CSMD1: variants seen among roughly 807,000 people sequenced by gnomAD.
The protein encoded by CSMD1 is CUB and sushi domain-containing protein 1.
A neutral mutation model predicts 417.5 loss-of-function variants in CSMD1; 213 were observed. The observed-to-expected ratio is 0.51, with a 90% CI of 0.46 to 0.57. The LOEUF is 0.57. CSMD1 is among the 20% of genes least tolerant of loss of function. The probability of loss-of-function intolerance (pLI) is 0.00; values close to 1 mark genes in which losing one functional copy is unlikely to be tolerated. For missense variants in CSMD1, 6,923 were observed against 4,529.7 expected (o/e 1.53, Z -15.17); for synonymous variants, 2,862 against 1,736.8 (o/e 1.65, Z -16.11).
intron 3 of CSMD1, among the ~76,000 whole-genome samples, chr8:4,256,775 G>T (rs905331717): frequency 6.6e-6 from 1 of 152,164 alleles, no homozygotes; most frequent in Non-Finnish European, 1.5e-5. Flanking sequence ...CTCTCAAGCA[G>T]CTTGCAACAG....
intron 12 of CSMD1, among the ~76,000 whole-genome samples, chr8:3,421,569 CTGTT>C (rs1461649532): frequency 6.6e-6 from 1 of 152,120 alleles, no homozygotes; most frequent in Non-Finnish European, 1.5e-5. Flanking sequence ...AATATTTAGC[CTGTT>C]TGATTATGTG....
chr8:3,983,980 A>G (rs566862784), intron 5 of CSMD1, among the ~76,000 whole-genome samples: 3 of 152,296 alleles, frequency 2.0e-5, no homozygotes, highest in African/African-American at 7.2e-5. Flanking sequence ...TGTCAATTGC[A>G]GCTCTAGAGC....
chr8:3,997,168 G>A (rs1023378716), intron 5 of CSMD1, among the ~76,000 whole-genome samples: 3 of 152,162 alleles, frequency 2.0e-5, no homozygotes, highest in Admixed American at 6.5e-5. Context: ...AATTTTACAT[G>A]CAACAAATGA....
chr8:3,394,729 G>A (rs1811581335), intron 17 of CSMD1, among the ~76,000 whole-genome samples: 1 of 152,094 alleles, frequency 6.6e-6, no homozygotes, highest in Admixed American at 6.6e-5. Flanking sequence ...TTACTTCAAA[G>A]AGAAGTGACA....
intron 3 of CSMD1, among the ~76,000 whole-genome samples, chr8:4,190,086 A>G (rs955102906): frequency 7.9e-5 from 12 of 151,690 alleles, no homozygotes; most frequent in Admixed American, 7.9e-4. Context: ...GTGAAACCCC[A>G]TCTCTACTAA....
rs1286850660 is a variant in CSMD1, at chr8:3,779,745, T to G, written c.819-25703A>C. ...TGCAGAACATAAAATTATATTTAAG[T>G]TATTTGAAAGAGATCCCAGGTCCTC... is the stretch of plus-strand genomic sequence containing the variant. On this transcript the variant is annotated intron_variant, in intron 5 of 69. Coordinates refer to ENST00000635120, the MANE Select transcript of CSMD1 (RefSeq NM_033225.6). Among the ~76,000 whole-genome samples the G allele has an allele frequency of 2.6e-5, 4 of 152,332 alleles. No individual in the cohort carries two copies. The East Asian group carries it at 7.7e-4, about 29-fold the overall frequency.
intron 8 of CSMD1, among the ~76,000 whole-genome samples, chr8:3,596,764 C>T (rs1801114067): frequency 6.6e-6 from 1 of 151,972 alleles, no homozygotes; most frequent in South Asian, 2.1e-4. Context: ...TGCTATAATT[C>T]AGGGCACACA....
At chr8:3,190,874 G>C (rs1015884688) in intron 33 of CSMD1, among the ~76,000 whole-genome samples, 5 of 152,154 alleles carry the variant, frequency 3.3e-5, no homozygotes, top group African/African-American at 4.8e-5. Flanking sequence ...ACAGAAGAAC[G>C]AATACCTTAT....
intron 1 of CSMD1, among the ~76,000 whole-genome samples, chr8:4,926,720 G>A (rs1806896534): frequency 1.3e-5 from 2 of 152,002 alleles, no homozygotes; most frequent in East Asian, 1.9e-4. Context: ...AACTTTACAG[G>A]ACTTTACAAT....
intron 3 of CSMD1, among the ~76,000 whole-genome samples, chr8:4,300,817 G>A (rs1041190306): frequency 3.9e-5 from 6 of 152,116 alleles, no homozygotes; most frequent in African/African-American, 1.2e-4. Flanking sequence ...AGTTTGCTGA[G>A]AATGATGGTT....
Position 4,821,091 on chromosome 8 carries a change from G to C in CSMD1, c.85+173241C>G, listed in dbSNP as rs560571623. 1.5e-4 allele frequency among the ~76,000 whole-genome samples: 23 copies of C among 152,150 alleles called. No homozygotes were observed. The South Asian group carries it at 3.3e-3, about 22-fold the overall frequency. ...AAGAGATCTTCCTTAAGTGTAAAAAGATACCAGATTGATACTTAAGATCTC... is the reference window on the plus strand; with the variant it reads ...AAGAGATCTTCCTTAAGTGTAAAAACATACCAGATTGATACTTAAGATCTC... On this transcript the variant is annotated intron_variant, in intron 1 of 69. Coordinates refer to ENST00000635120, the MANE Select transcript of CSMD1 (RefSeq NM_033225.6).
chr8:3,294,248 C>T (rs1256336089), intron 25 of CSMD1, among the ~76,000 whole-genome samples: 1 of 152,168 alleles, frequency 6.6e-6, no homozygotes, highest in African/African-American at 2.4e-5. Flanking sequence ...GGGGTGCCTC[C>T]CAGTTAGGCT....
intron 5 of CSMD1, among the ~76,000 whole-genome samples, chr8:3,943,423 T>TTA (rs1811018733): frequency 2.9e-5 from 4 of 137,182 alleles, no homozygotes; most frequent in African/African-American, 1.1e-4. Context: ...TTTTTTTCAT[T>TTA]AAAAAAAAAA....
chr8:4,092,493 C>G (rs1022713664), intron 3 of CSMD1, among the ~76,000 whole-genome samples: 1 of 151,200 alleles, frequency 6.6e-6, no homozygotes, highest in Non-Finnish European at 1.5e-5. Context: ...AGCATATTGT[C>G]TTTAAGTTTC....
chr8:4,077,827 A>G (rs1471526383), intron 3 of CSMD1, among the ~76,000 whole-genome samples: 1 of 152,150 alleles, frequency 6.6e-6, no homozygotes, highest in African/African-American at 2.4e-5. Flanking sequence ...ATTTTCAGAT[A>G]CATAAACCAA....
chr8:4,111,288 T>C (rs1801841217), intron 3 of CSMD1, among the ~76,000 whole-genome samples: 1 of 152,192 alleles, frequency 6.6e-6, no homozygotes, highest in South Asian at 2.1e-4. Flanking sequence ...AGTGAAATCT[T>C]ATGAGCAGAA....
At chr8:3,747,031 A>G (rs1797096027) in intron 6 of CSMD1, among the ~76,000 whole-genome samples, 1 of 152,230 alleles carries the variant, frequency 6.6e-6, no homozygotes, top group South Asian at 2.1e-4. Context: ...TCATAAAAAT[A>G]ACTCACTATC....
rs563065195 is a variant in CSMD1 at position 4,231,726 on chromosome 8, A to G, written c.415+188227T>C. 3.0e-4 allele frequency among the ~76,000 whole-genome samples: 45 copies of G among 152,318 alleles called. 1 individual carries two copies. In the South Asian group the frequency reaches 9.1e-3, roughly 31 times the overall value. On this transcript the variant is annotated intron_variant, in intron 3 of 69. Transcript: ENST00000635120. ...GCCAAGTCTTAAGAATGTGACTGGTAGTGATGGACCATGGAAAAAGTAAAT... is the reference window on the plus strand; with the variant it reads ...GCCAAGTCTTAAGAATGTGACTGGTGGTGATGGACCATGGAAAAAGTAAAT...
intron 4 of CSMD1, among the ~76,000 whole-genome samples, chr8:3,999,671 C>G (rs1041285411): frequency 4.6e-5 from 7 of 152,122 alleles, no homozygotes; most frequent in Non-Finnish European, 1.0e-4. Flanking sequence ...CCAGGCTGGT[C>G]TACACACTAG....
Sources: allele counts gnomAD v4.1 joint callset (sites outside exome capture counted in the v4.1 genomes callset), GRCh38; gene constraint gnomAD v4.1.1; transcripts MANE v1.5; gene names NCBI Gene and HGNC (gene_info 2026-07-23, HGNC 2026-07-21).